The following DPY19L4 variants were observed in gnomAD, a reference collection of about 807,000 sequenced individuals.
DPY19L4 encodes probable C-mannosyltransferase DPY19L4.
DPY19L4 carries 97 observed loss-of-function variants against 102.8 expected under a neutral mutation model. The ratio of observed to expected loss-of-function variants is 0.94; its 90% CI spans 0.80 to 1.12. DPY19L4 has a LOEUF of 1.12. DPY19L4 is among the 50% of genes most tolerant of loss of function. The probability of loss-of-function intolerance (pLI) is 0.00; values close to 1 mark genes in which losing one functional copy is unlikely to be tolerated. For synonymous variants in DPY19L4, 252 were observed against 283.1 expected (o/e 0.89, Z 1.10); for missense variants, 815 against 850.4 (o/e 0.96, Z 0.52).
At chr8:94,780,943 T>C in intron 15 of DPY19L4, 141 bp from the exon 16 acceptor site, 1 of 599,912 alleles carries the variant, frequency 1.7e-6, no homozygotes, top group Non-Finnish European at 2.8e-6. Flanking sequence ...TCATGACATT[T>C]TTTCCATGCG....
intron 3 of DPY19L4, among the ~76,000 whole-genome samples, chr8:94,738,026 CTTAAA>C (rs1811262030): frequency 6.6e-6 from 1 of 150,936 alleles, no homozygotes; most frequent in Admixed American, 6.6e-5. Flanking sequence ...AAACAAAAAA[CTTAAA>C]TTTAAGTCTG....
rs1181789741 is a variant in DPY19L4 at position 94,768,392 on chromosome 8, T to C, written c.1176-3T>C. On this transcript the variant is annotated splice_region_variant and splice_polypyrimidine_tract_variant and intron_variant, in intron 11 of 18. Coordinates refer to ENST00000414645, the MANE Select transcript of DPY19L4 (RefSeq NM_181787.3). ...TTAATATCATACTTTTTGTCTTCTA[T>C]AGGAATTTTACAATGAATTGGCTCC... 6.3e-7 allele frequency: 1 copy of C among 1,589,564 alleles called. No individual in the cohort carries two copies. Among genetic ancestry groups the C allele is most frequent in the South Asian group, 1.2e-5 (1 of 85,236 alleles).
intron 6 of DPY19L4, among the ~76,000 whole-genome samples, chr8:94,750,089 G>A (rs1190657396): frequency 1.3e-5 from 2 of 152,258 alleles, no homozygotes; most frequent in South Asian, 4.1e-4. Flanking sequence ...TTGAGTAGCT[G>A]GGACTACAGC....
intron 16 of DPY19L4, among the ~76,000 whole-genome samples, chr8:94,782,770 A>G (rs1813488287): frequency 6.6e-6 from 1 of 152,200 alleles, no homozygotes; most frequent in Non-Finnish European, 1.5e-5. Context: ...TTTTCTTTAG[A>G]TCACCCTTAA....
intron 17 of DPY19L4, among the ~76,000 whole-genome samples, chr8:94,786,617 G>A (rs537556536): frequency 1.3e-5 from 2 of 151,494 alleles, no homozygotes; most frequent in African/African-American, 2.4e-5. Flanking sequence ...GCATGATCTC[G>A]GCTCACTGCA....
chr8:94,783,857 G>A, intron 17 of DPY19L4, 55 bp downstream of exon 17: 1 of 1,593,664 alleles, frequency 6.3e-7, no homozygotes, highest in Non-Finnish European at 8.6e-7. Flanking sequence ...TTGTATTTTA[G>A]CATAGTCTGC....
In DPY19L4 at chr8:94,771,887, A is replaced by G. The variant is rs375201840; in HGVS notation, c.1454+1316A>G. 3.9e-5 allele frequency among the ~76,000 whole-genome samples: 6 copies of G among 152,272 alleles called. No homozygotes were observed. In the East Asian group the frequency reaches 9.7e-4, roughly 25 times the overall value. On this transcript the variant is annotated intron_variant, in intron 13 of 18. Transcript: ENST00000414645. The stretch of plus-strand genomic sequence containing the variant: ...CAAATGACATTTACAAAATATATAT[A>G]TAGGGCCCCATTTAATGTTCAATAA...
chr8:94,789,713 C>T lies in DPY19L4; in HGVS notation c.2008-33C>T, dbSNP rs886349006. 3 of 1,531,342 alleles carry T rather than the reference C, an allele frequency of 2.0e-6. No individual in the cohort carries two copies. In the African/African-American group the frequency reaches 4.2e-5, roughly 21 times the overall value. The allele number at this position is 1,531,342 out of a possible 1,614,324, so 94.9% of individuals were successfully genotyped here. On this transcript the variant is annotated intron_variant, in intron 18 of 18. Coordinates refer to ENST00000414645, the MANE Select transcript of DPY19L4 (RefSeq NM_181787.3). ...GCATTTCTGCTATAAGCTTAATAAGCTTTTTAATATTATGTTTTATATCTT... is the reference window on the plus strand; with the variant it reads ...GCATTTCTGCTATAAGCTTAATAAGTTTTTTAATATTATGTTTTATATCTT...
Position 94,792,442 on chromosome 8 carries a change from T to C in DPY19L4, c.*2532T>C, listed in dbSNP as rs1813914097. ...TTTGTATTTTTAGTAGAAACGGGGT[T>C]TCGCCATGTTGGCCAGGCTGGTCTC... On this transcript the variant is annotated 3_prime_UTR_variant, in exon 19 of 19. Coordinates refer to ENST00000414645, the MANE Select transcript of DPY19L4 (RefSeq NM_181787.3). 1 of 149,796 alleles carries C rather than the reference T, an allele frequency of 6.7e-6. No homozygotes were observed. Among genetic ancestry groups the C allele is most frequent in the Non-Finnish European group, 1.5e-5 (1 of 67,424 alleles). 9.3% of individuals were successfully genotyped at this position (149,796 alleles called of 1,614,324 possible). A position where few individuals can be genotyped will look rare whatever the true frequency, so the allele number is the denominator to read the frequency against.
chr8:94,744,429 T>G (rs1198352431), intron 6 of DPY19L4: 1 of 456,608 alleles, frequency 2.2e-6, no homozygotes, highest in Non-Finnish European at 4.4e-6. Context: ...AAGCCAGGTA[T>G]CTGTTATAAC....
chr8:94,755,399 G>C (rs771344280), intron 6 of DPY19L4, among the ~76,000 whole-genome samples: 1 of 151,966 alleles, frequency 6.6e-6, no homozygotes, highest in Non-Finnish European at 1.5e-5. Context: ...GGAAGGGAGG[G>C]TGGGGCTGAA....
At chr8:94,766,908 A>G (rs1812699302) in intron 11 of DPY19L4, among the ~76,000 whole-genome samples, 1 of 151,772 alleles carries the variant, frequency 6.6e-6, no homozygotes, top group Non-Finnish European at 1.5e-5. Flanking sequence ...AAACAAACAA[A>G]AAACAAAAAA....
At chr8:94,789,004 A>C (rs1813779621) in intron 18 of DPY19L4, among the ~76,000 whole-genome samples, 1 of 152,164 alleles carries the variant, frequency 6.6e-6, no homozygotes, top group Non-Finnish European at 1.5e-5. Flanking sequence ...CTCTGTTGGT[A>C]CTTAGTGGCT....
intron 4 of DPY19L4, among the ~76,000 whole-genome samples, chr8:94,738,741 T>C (rs1159825249): frequency 6.6e-6 from 1 of 152,030 alleles, no homozygotes; most frequent in Non-Finnish European, 1.5e-5. Flanking sequence ...CTCGAACTCT[T>C]GACCTCATGA....
chr8:94,755,329 A>G (rs35296683), intron 6 of DPY19L4, among the ~76,000 whole-genome samples: 15,836 of 151,468 alleles, frequency 0.1, 926 homozygotes, highest in Non-Finnish European at 0.13. Flanking sequence ...TGGATCTACC[A>G]TGCTGCTAAT....
intron 17 of DPY19L4, among the ~76,000 whole-genome samples, chr8:94,785,806 A>G (rs80297835): frequency 1.6e-3 from 243 of 152,374 alleles, no homozygotes; most frequent in African/African-American, 5.3e-3. Context: ...TAGGCAGAAT[A>G]TAGACAGCAT....
chr8:94,749,028 G>C (rs1811802827), intron 6 of DPY19L4, among the ~76,000 whole-genome samples: 1 of 152,180 alleles, frequency 6.6e-6, no homozygotes, highest in South Asian at 2.1e-4. Flanking sequence ...GTCTCACATG[G>C]TAGCAGACAA....
intron 6 of DPY19L4, among the ~76,000 whole-genome samples, chr8:94,754,709 A>C (rs1812084032): frequency 6.6e-6 from 1 of 152,232 alleles, no homozygotes; most frequent in Non-Finnish European, 1.5e-5. Context: ...TGGTATGTGG[A>C]TATGCACACA....
chr8:94,768,976 C>A (rs1186308323), intron 12 of DPY19L4, among the ~76,000 whole-genome samples: 1 of 149,236 alleles, frequency 6.7e-6, no homozygotes, highest in East Asian at 2.0e-4. Flanking sequence ...CACCACTGCA[C>A]TCCAGCCTGG....
Sources: gnomAD v4.1 joint callset for allele counts (sites outside exome capture counted in the v4.1 genomes callset) on GRCh38, gnomAD v4.1.1 for gene constraint, MANE v1.5 for transcripts, NCBI Gene and HGNC (gene_info 2026-07-23, HGNC 2026-07-21) for gene names.